Variants in PLA2R1 observed in about 807,000 individuals in gnomAD.
The protein encoded by PLA2R1 is secretory phospholipase A2 receptor.
Under a neutral mutation model 195.9 loss-of-function variants are expected in PLA2R1, and 158 were observed. The observed-to-expected ratio is 0.81, with a 90% CI of 0.71 to 0.92. The LOEUF is 0.92. PLA2R1 is among the 40% of genes least tolerant of loss of function. The pLI is 0.00. For missense variants in PLA2R1, 1,626 were observed against 1,764.6 expected, an observed-to-expected ratio of 0.92 and a Z score of 1.41; for synonymous variants, 586 against 598.2, an observed-to-expected ratio of 0.98 and a Z score of 0.30.
At chr2:160,049,003 G>C (rs926123323) in intron 1 of PLA2R1, among the ~76,000 whole-genome samples, 5 of 151,800 alleles carry the variant, frequency 3.3e-5, no homozygotes, top group Non-Finnish European at 7.4e-5. Flanking sequence ...ACTACGCCCG[G>C]CTAATTTTTT....
intron 6 of PLA2R1, among the ~76,000 whole-genome samples, chr2:160,023,850 G>A (rs1693315753): frequency 6.6e-6 from 1 of 152,176 alleles, no homozygotes; most frequent in African/African-American, 2.4e-5. Context: ...CAAGGGAGTA[G>A]CAGAAACAAC....
intron 11 of PLA2R1, among the ~76,000 whole-genome samples, chr2:159,997,902 G>T (rs186640093): frequency 5.5e-4 from 83 of 152,246 alleles, no homozygotes; most frequent in Middle Eastern, 3.4e-3. Context: ...CTGGGAACTG[G>T]AAGTCTTCAA....
chr2:159,953,439 GA>G (rs1417890291), intron 23 of PLA2R1, among the ~76,000 whole-genome samples: 1 of 152,192 alleles, frequency 6.6e-6, no homozygotes, highest in African/African-American at 2.4e-5. Context: ...TAGTGTAGTT[GA>G]ACAATACTTT....
At position 159,947,473 on chromosome 2, in the gene PLA2R1, T is replaced by C. The variant is rs1370450461; in HGVS notation, c.3796A>G (p.Thr1266Ala). 1.2e-6 allele frequency: 2 copies of C among 1,613,242 alleles called. No homozygotes were observed. The highest frequency in any genetic ancestry group is 1.3e-5 in the African/African-American group (1 of 74,894). ...KFKSNCYSFS[T>A]VLDSMSFEAA... is the part of the protein sequence containing the mutation. The stretch of plus-strand genomic sequence containing the variant: ...TCAAAACTCATACTGTCTAGGACTG[T>C]AGAAAAACTGTAGCAATTACTTTTA... Residue 1266 changes from threonine to alanine, a missense_variant, in exon 26 of 30, where the codon ACA becomes GCA. By Grantham distance (58) the Thr-to-Ala change is moderately conservative. Transcript: ENST00000283243.
In PLA2R1 at chr2:159,991,368, G is replaced by A. The variant is rs546505258; in HGVS notation, c.1835-4010C>T. Among the ~76,000 whole-genome samples the A allele has an allele frequency of 5.3e-5, 8 of 151,860 alleles. No individual in the cohort carries two copies. In the East Asian group the frequency reaches 1.2e-3, roughly 22 times the overall value. The stretch of plus-strand genomic sequence containing the variant: ...TGGTGGCTCATTTCAGAGCTCTGAT[G>A]AGCCTTAAAATGGATTGGCCTCTCT... On this transcript the variant is annotated intron_variant, in intron 11 of 29. Coordinates refer to ENST00000283243, the MANE Select transcript of PLA2R1 (RefSeq NM_007366.5).
At chr2:160,013,719 CTCTG>C (rs1296435308) in intron 9 of PLA2R1, among the ~76,000 whole-genome samples, 6 of 111,928 alleles carry the variant, frequency 5.4e-5, no homozygotes, top group African/African-American at 2.0e-4. Flanking sequence ...CTCTCTCTCT[CTCTG>C]TGTGTGTGTG....
At chr2:159,944,859 A>G (rs1033430801) in intron 28 of PLA2R1, 47 bp downstream of exon 28, 3 of 1,389,904 alleles carry the variant, frequency 2.2e-6, no homozygotes, top group African/African-American at 1.4e-5. Context: ...AGTCAACATT[A>G]GTTAAGGTAG....
In PLA2R1 at chr2:159,956,647, C is replaced by A; in HGVS notation, c.2905-20G>T. On this transcript the variant is annotated intron_variant, in intron 20 of 29. Transcript: ENST00000283243. ...AAGGCACTATCAAAAAATGTCAAAA[C>A]AAAACATTCATTTCTGTATCTTTCT... The A allele has an allele frequency of 7.5e-7, 1 of 1,340,898 alleles. No homozygotes were observed. Among genetic ancestry groups the A allele is most frequent in the Non-Finnish European group, 1.1e-6 (1 of 930,740 alleles). The allele number at this position is 1,340,898 out of a possible 1,614,324, so 83.1% of individuals were successfully genotyped here.
chr2:159,955,152 G>A, intron 23 of PLA2R1, 47 bp downstream of exon 23: 1 of 1,470,010 alleles, frequency 6.8e-7, no homozygotes, highest in Non-Finnish European at 9.4e-7. Context: ...TGAAAGAGAA[G>A]GATGGACTTT....
chr2:159,930,352 G>T (rs1215056965), downstream of PLA2R1, among the ~76,000 whole-genome samples: 1 of 151,194 alleles, frequency 6.6e-6, no homozygotes, highest in Non-Finnish European at 1.5e-5. Flanking sequence ...AGCTTGCAGT[G>T]AGCAGGGATT....
At chr2:159,929,759 CATCA>C (rs1402274178), downstream of PLA2R1, among the ~76,000 whole-genome samples, 5 of 151,994 alleles carry the variant, frequency 3.3e-5, no homozygotes, top group Admixed American at 2.6e-4. Context: ...CCCAAATGCC[CATCA>C]ATCAATGAGT....
intron 12 of PLA2R1, among the ~76,000 whole-genome samples, chr2:159,985,217 C>T (rs575431371): frequency 6.6e-6 from 1 of 152,236 alleles, no homozygotes; most frequent in Non-Finnish European, 1.5e-5. Context: ...TATTAATGGG[C>T]GAGGCCACTT....
At chr2:159,962,539 T>TA (rs1286165143) in intron 20 of PLA2R1, among the ~76,000 whole-genome samples, 1 of 152,212 alleles carries the variant, frequency 6.6e-6, no homozygotes, top group Non-Finnish European at 1.5e-5. Context: ...ACTGGGTATA[T>TA]ACCCAAAGGA....
chr2:160,025,711 G>A (rs2105491994), intron 6 of PLA2R1, among the ~76,000 whole-genome samples: 1 of 149,814 alleles, frequency 6.7e-6, no homozygotes, highest in South Asian at 2.1e-4. Context: ...AAGAGAGGAA[G>A]GAAGAAACAA....
chr2:159,996,662 G>C (rs1014163289), intron 11 of PLA2R1, among the ~76,000 whole-genome samples: 1 of 151,784 alleles, frequency 6.6e-6, no homozygotes, highest in Non-Finnish European at 1.5e-5. Context: ...TTTTCCTTCT[G>C]ATATTCCCAT....
Position 159,976,847 on chromosome 2 carries a change from T to C in PLA2R1, c.2402-127A>G, listed in dbSNP as rs532290327. 1.0e-4 allele frequency: 75 copies of C among 720,894 alleles called. No homozygotes were observed. The African/African-American group carries it at 1.1e-3, about 10-fold the overall frequency. 44.7% of individuals were successfully genotyped at this position (720,894 alleles called of 1,614,324 possible). On this transcript the variant is annotated intron_variant, in intron 15 of 29. Coordinates refer to ENST00000283243, the MANE Select transcript of PLA2R1 (RefSeq NM_007366.5). ...AAAACATCACTTTAAAACAGGTACA[T>C]TGTGCTGTTTGGAATATATGGTGAG...
intron 6 of PLA2R1, among the ~76,000 whole-genome samples, chr2:160,025,005 C>T (rs951026267): frequency 2.0e-5 from 3 of 152,182 alleles, no homozygotes; most frequent in African/African-American, 4.8e-5. Context: ...GGTGCTTCAT[C>T]CCCTAGAGCT....
At position 159,937,451 on chromosome 2, in the gene PLA2R1, T is replaced by C. The variant is rs1362585890; in HGVS notation, c.*4327A>G. On this transcript the variant is annotated 3_prime_UTR_variant, in exon 30 of 30. Transcript: ENST00000283243. ...ACTTAATGGGTAAAGTCAATCCTTG[T>C]TGTCAAACCAATGAGCCAAATAAAA... The C allele has an allele frequency of 2.6e-5, 4 of 152,252 alleles. No homozygotes were observed. The highest frequency in any genetic ancestry group is 9.6e-5 in the African/African-American group (4 of 41,472). The allele number at this position is 152,252 out of a possible 1,614,324, so 9.4% of individuals were successfully genotyped here.
chr2:160,037,463 T>C (rs1215699105), intron 3 of PLA2R1, among the ~76,000 whole-genome samples: 1 of 152,128 alleles, frequency 6.6e-6, no homozygotes, highest in African/African-American at 2.4e-5. Context: ...CCTTCAGATA[T>C]CTGGCCAGTG....
Sources: gnomAD v4.1 joint callset for allele counts (sites outside exome capture counted in the v4.1 genomes callset) on GRCh38, gnomAD v4.1.1 for gene constraint, MANE v1.5 for transcripts, NCBI Gene and HGNC (gene_info 2026-07-23, HGNC 2026-07-21) for gene names.